The following CABLES1 variants were observed in gnomAD, a reference collection of about 807,000 sequenced individuals.
CABLES1 encodes CDK5 and ABL1 enzyme substrate 1.
CABLES1 carries 36 observed loss-of-function variants against 57.8 expected under a neutral mutation model. The ratio of observed to expected loss-of-function variants is 0.62; its 90% confidence interval spans 0.48 to 0.82. The LOEUF is 0.82. CABLES1 is among the 40% of genes least tolerant of loss of function. The pLI is 0.00. For synonymous variants in CABLES1, 374 were observed against 363.0 expected (o/e 1.03, Z -0.35); for missense variants, 767 against 836.6 (o/e 0.92, Z 1.03).
intron 1 of CABLES1, among the ~76,000 whole-genome samples, chr18:23,176,333 A>G (rs892620626): frequency 7.2e-5 from 11 of 152,244 alleles, no homozygotes; most frequent in Admixed American, 2.0e-4. Context: ...ACAGTTCACA[A>G]TAGGCTTGGC....
rs554787123 is a variant in CABLES1, at chr18:23,161,188, G to T, written c.845+24581G>T. Among the ~76,000 whole-genome samples the T allele has an allele frequency of 3.9e-5, 6 of 152,276 alleles. No individual in the cohort carries two copies. In the East Asian group the frequency reaches 7.7e-4, roughly 20 times the overall value. ...ATCAGCACTGCACTCCAGCCTGGGTGACAGAGGGGAGACTCTGTCTCTCAA... is the reference window on the plus strand; with the variant it reads ...ATCAGCACTGCACTCCAGCCTGGGTTACAGAGGGGAGACTCTGTCTCTCAA... On this transcript the variant is annotated intron_variant, in intron 1 of 9. Coordinates refer to ENST00000256925, the MANE Select transcript of CABLES1 (RefSeq NM_001100619.3).
At chr18:23,172,014 G>A (rs1466509306) in intron 1 of CABLES1, among the ~76,000 whole-genome samples, 2 of 152,152 alleles carry the variant, frequency 1.3e-5, no homozygotes, top group African/African-American at 2.4e-5. Flanking sequence ...TCGACCTCAC[G>A]GGCTCAAGTG....
chr18:23,257,546 G>A lies in CABLES1; in HGVS notation c.*179G>A. The A allele has an allele frequency of 4.8e-6, 3 of 631,216 alleles. No individual in the cohort carries two copies. Among genetic ancestry groups the A allele is most frequent in the Non-Finnish European group, 7.7e-6 (3 of 391,184 alleles). The allele number at this position is 631,216 out of a possible 1,614,324, so 39.1% of individuals were successfully genotyped here. A position where few individuals can be genotyped will look rare whatever the true frequency, so the allele number is the denominator to read the frequency against. ...AGGAGTCTTGGGTGTGTAGCCAAGA[G>A]GAGCCATGAGCTATGGACTCCTCAA... On this transcript the variant is annotated 3_prime_UTR_variant, in exon 10 of 10. Transcript: ENST00000256925.
chr18:23,237,346 G>A (rs2047628709), intron 7 of CABLES1, 101 bp downstream of exon 7: 9 of 820,188 alleles, frequency 1.1e-5, no homozygotes, highest in Non-Finnish European at 1.7e-5. Context: ...TCTGCCTGGG[G>A]GACCTTCATG....
At chr18:23,195,717 T>G (rs1376699705) in intron 3 of CABLES1, among the ~76,000 whole-genome samples, 3 of 152,234 alleles carry the variant, frequency 2.0e-5, no homozygotes, top group Non-Finnish European at 4.4e-5. Context: ...TTAGTTTAAA[T>G]TTACCAAGTT....
At position 23,213,626 on chromosome 18, in the gene CABLES1, C is replaced by T. The variant is rs2047420379; in HGVS notation, c.1011-351C>T. On this transcript the variant is annotated intron_variant, in intron 3 of 9. Transcript: ENST00000256925. ...ATAGAAATCAATGGTTTAAATGTGG[C>T]ATGACTGCTCACCCAGCCCTGGCCA... Among the ~76,000 whole-genome samples, 3 of 152,236 alleles carry T rather than the reference C, an allele frequency of 2.0e-5. No individual in the cohort carries two copies. In the South Asian group the frequency reaches 6.2e-4, roughly 32 times the overall value.
chr18:23,136,567 G>A lies in CABLES1; in HGVS notation c.805G>A (p.Gly269Ser), dbSNP rs762583399. 8.5e-6 allele frequency: 13 copies of A among 1,528,704 alleles called. 1 individual carries two copies. The South Asian group carries it at 1.4e-4, about 17-fold the overall frequency. The allele number at this position is 1,528,704 out of a possible 1,614,324, so 94.7% of individuals were successfully genotyped here. Residue 269 changes from glycine to serine, a missense_variant, in exon 1 of 10, where the codon GGC (glycine) becomes AGC (serine). Physicochemically the swap from Gly to Ser is moderately conservative, Grantham distance 56 (BLOSUM62 0). Transcript: ENST00000256925. ...NYCSLEQPGQ[G>S]GSTSAFEQLQ... ...CTGCTCCCTGGAGCAGCCAGGCCAG[G>A]GCGGCAGCACCAGCGCCTTCGAGCA...
intron 3 of CABLES1, among the ~76,000 whole-genome samples, chr18:23,208,805 G>A (rs1360103063): frequency 6.6e-6 from 1 of 152,224 alleles, no homozygotes; most frequent in Non-Finnish European, 1.5e-5. Flanking sequence ...GAGCCCCAGG[G>A]GAAGAATCAG....
chr18:23,246,691 A>T (rs1285197134), intron 7 of CABLES1, among the ~76,000 whole-genome samples: 1 of 150,742 alleles, frequency 6.6e-6, no homozygotes, highest in South Asian at 2.1e-4. Context: ...GCACCCGGCC[A>T]GTTTTTTCGT....
chr18:23,255,243 C>A (rs1297977313), intron 9 of CABLES1, among the ~76,000 whole-genome samples: 1 of 152,000 alleles, frequency 6.6e-6, no homozygotes, highest in Non-Finnish European at 1.5e-5. Context: ...AAGGGCAGTC[C>A]CTCTAGAGTC....
intron 6 of CABLES1, among the ~76,000 whole-genome samples, chr18:23,236,351 A>G (rs752026073): frequency 2.0e-5 from 3 of 151,988 alleles, no homozygotes; most frequent in Non-Finnish European, 2.9e-5. Flanking sequence ...GCTCCCCCCA[A>G]CAATGACCTG....
chr18:23,178,730 A>G (rs556573765), intron 1 of CABLES1, among the ~76,000 whole-genome samples: 11 of 152,220 alleles, frequency 7.2e-5, no homozygotes, highest in South Asian at 2.1e-4. Flanking sequence ...AAATAGCCCC[A>G]TATACCAAGA....
intron 1 of CABLES1, among the ~76,000 whole-genome samples, chr18:23,147,934 G>A (rs948062275): frequency 6.7e-6 from 1 of 149,014 alleles, no homozygotes; most frequent in East Asian, 2.0e-4. Context: ...CGTTATCAGA[G>A]CTATAGCCCT....
chr18:23,191,658 A>T (rs528220053), intron 2 of CABLES1, among the ~76,000 whole-genome samples: 2 of 152,362 alleles, frequency 1.3e-5, no homozygotes, highest in East Asian at 3.8e-4. Flanking sequence ...CAGTGCTAAC[A>T]AGAAAGAGCT....
chr18:23,253,109 C>A, intron 8 of CABLES1, 43 bp downstream of exon 8: 1 of 1,063,608 alleles, frequency 9.4e-7, no homozygotes, highest in South Asian at 1.3e-5. Flanking sequence ...CCTGCAAACC[C>A]CTCTTTCCAC....
chr18:23,174,265 G>A (rs1321707936), intron 1 of CABLES1, among the ~76,000 whole-genome samples: 2 of 152,192 alleles, frequency 1.3e-5, no homozygotes, highest in African/African-American at 4.8e-5. Flanking sequence ...CAAGGTTCAT[G>A]TTGTAGCATG....
intron 7 of CABLES1, among the ~76,000 whole-genome samples, chr18:23,249,494 G>A (rs186299953): frequency 1.8e-4 from 28 of 152,308 alleles, no homozygotes; most frequent in Middle Eastern, 3.4e-3. Context: ...GTGCAGGTGC[G>A]AGGCCCCACC....
chr18:23,221,584 C>G (rs1246448186), intron 4 of CABLES1, among the ~76,000 whole-genome samples: 1 of 152,142 alleles, frequency 6.6e-6, no homozygotes, highest in Non-Finnish European at 1.5e-5. Flanking sequence ...ACAGCCAGGA[C>G]CCACTTACAG....
intron 1 of CABLES1, among the ~76,000 whole-genome samples, chr18:23,161,725 A>C (rs2047005708): frequency 6.9e-6 from 1 of 145,018 alleles, no homozygotes; most frequent in Non-Finnish European, 1.5e-5. Flanking sequence ...CCTGGCTAAC[A>C]TGGTGAAACC....
Sources: gnomAD v4.1 joint callset for allele counts (sites outside exome capture counted in the v4.1 genomes callset) on GRCh38, gnomAD v4.1.1 for gene constraint, MANE v1.5 for transcripts, NCBI Gene and HGNC (gene_info 2026-07-23, HGNC 2026-07-21) for gene names.